TRPM3: variants seen among roughly 807,000 people sequenced by gnomAD.
TRPM3 encodes the protein transient receptor potential cation channel subfamily M member 3.
TRPM3 carries 77 observed loss-of-function variants against 181.2 expected under a neutral mutation model. The observed-to-expected ratio is 0.42, with a 90% CI of 0.35 to 0.51. The LOEUF (loss-of-function observed/expected upper bound fraction) is 0.51, where lower values mean the gene tolerates loss of function less well. Ranked by LOEUF, TRPM3 falls within the 20% of genes least tolerant of loss-of-function variation. The pLI, the probability that TRPM3 is intolerant of heterozygous loss-of-function variation, is 0.01. For missense variants in TRPM3, 1,759 were observed against 2,196.7 expected (o/e 0.80, Z 3.98); for synonymous variants, 745 against 796.4 (o/e 0.94, Z 1.09).
intron 7 of TRPM3, chr9:70,775,194 G>GAATGAAAC (rs2081114382): frequency 6.6e-6 from 1 of 152,198 alleles, no homozygotes; most frequent in Non-Finnish European, 1.5e-5. Flanking sequence ...TAAAGGAAAG[G>GAATGAAAC]AATGAAACAC....
At chr9:70,655,975 G>A (rs1450880791) in intron 9 of TRPM3, among the ~76,000 whole-genome samples, 1 of 152,098 alleles carries the variant, frequency 6.6e-6, no homozygotes, top group Non-Finnish European at 1.5e-5. Context: ...ATATAAAAGA[G>A]CTCTAATTAA....
At chr9:71,302,941 T>C (rs2086913748) in intron 1 of TRPM3, among the ~76,000 whole-genome samples, 1 of 152,112 alleles carries the variant, frequency 6.6e-6, no homozygotes. Flanking sequence ...AGATATCTCG[T>C]GGCCACAGTA....
intron 1 of TRPM3, among the ~76,000 whole-genome samples, chr9:71,277,398 A>G (rs1210560259): frequency 6.6e-6 from 1 of 152,218 alleles, no homozygotes; most frequent in Non-Finnish European, 1.5e-5. Context: ...TTCCCTATGT[A>G]GGCTATATAA....
chr9:70,551,161 T>C lies in TRPM3; in HGVS notation c.3575-1487A>G, dbSNP rs556619874. 3.9e-5 allele frequency among the ~76,000 whole-genome samples: 6 copies of C among 152,320 alleles called. No individual in the cohort carries two copies. In the East Asian group the frequency reaches 1.2e-3, roughly 29 times the overall value. On this transcript the variant is annotated intron_variant, in intron 24 of 25. Transcript: ENST00000677713. ...CCATTAACACGTCAAATTTTAACAA[T>C]AAAAATTAAATTGTACATTTCAGTG...
chr9:70,831,100 T>C (rs929332325), intron 5 of TRPM3, among the ~76,000 whole-genome samples: 7 of 152,208 alleles, frequency 4.6e-5, no homozygotes, highest in Non-Finnish European at 1.0e-4. Context: ...AACTATTTGC[T>C]GATTACTGAA....
At chr9:70,807,061 G>T (rs1321734036) in intron 6 of TRPM3, among the ~76,000 whole-genome samples, 2 of 152,154 alleles carry the variant, frequency 1.3e-5, no homozygotes, top group Non-Finnish European at 2.9e-5. Context: ...GATCATGGCA[G>T]AAAACTGCTC....
Position 71,168,179 on chromosome 9 carries a change from T to A in TRPM3, c.183+278474A>T, listed in dbSNP as rs146885131. 1.6e-3 allele frequency among the ~76,000 whole-genome samples: 238 copies of A among 152,300 alleles called. 3 individuals are homozygous for A. The highest frequency in any genetic ancestry group is 5.4e-3 in the African/African-American group (224 of 41,588). ...GCCAAAATGGACTAGAAGGAAATTC[T>A]AGAAGGCTTTGAAGCCACCAGACAC... On this transcript the variant is annotated intron_variant, in intron 1 of 24. Coordinates refer to the TRPM3 transcript ENST00000357533.
intron 1 of TRPM3, among the ~76,000 whole-genome samples, chr9:71,220,237 C>G (rs562701439): frequency 1.6e-3 from 239 of 152,210 alleles, no homozygotes; most frequent in African/African-American, 5.5e-3. Context: ...GATATCTAGA[C>G]TATTAGATTT....
At chr9:70,860,193 A>G (rs987405709) in intron 3 of TRPM3, among the ~76,000 whole-genome samples, 2 of 152,182 alleles carry the variant, frequency 1.3e-5, no homozygotes, top group African/African-American at 2.4e-5. Context: ...ACATCAAATA[A>G]GGCAACTATG....
intron 1 of TRPM3, among the ~76,000 whole-genome samples, chr9:70,885,953 A>C (rs1173232784): frequency 5.9e-5 from 9 of 152,230 alleles, no homozygotes; most frequent in African/African-American, 2.2e-4. Context: ...GGCATTTAAA[A>C]TATACCACGG....
At chr9:71,326,153 T>C (rs560376204) in intron 1 of TRPM3, among the ~76,000 whole-genome samples, 1 of 152,334 alleles carries the variant, frequency 6.6e-6, no homozygotes, top group East Asian at 1.9e-4. Context: ...CCTAAGATTG[T>C]GGGGAAGAAC....
intron 6 of TRPM3, among the ~76,000 whole-genome samples, chr9:70,794,401 C>T (rs1336284897): frequency 1.3e-5 from 2 of 152,206 alleles, no homozygotes; most frequent in African/African-American, 4.8e-5. Context: ...TGGAGAGCAG[C>T]ACCACCTTCT....
At chr9:70,980,077 A>G (rs2097349635) in intron 1 of TRPM3, among the ~76,000 whole-genome samples, 1 of 151,662 alleles carries the variant, frequency 6.6e-6, no homozygotes, top group African/African-American at 2.4e-5. Flanking sequence ...GCACACACAC[A>G]CACACACACA....
At chr9:71,003,257 TC>T (rs1483721005) in intron 1 of TRPM3, among the ~76,000 whole-genome samples, 1 of 151,452 alleles carries the variant, frequency 6.6e-6, no homozygotes, top group African/African-American at 2.4e-5. Flanking sequence ...AGTTCAAGGA[TC>T]TTTTCCCCAT....
intron 20 of TRPM3, among the ~76,000 whole-genome samples, 181 bp downstream of exon 20, chr9:70,603,161 T>C (rs190367256): frequency 6.6e-5 from 10 of 152,282 alleles, no homozygotes; most frequent in African/African-American, 2.4e-4. Flanking sequence ...TACACCCCTA[T>C]AAGCACCACA....
intron 1 of TRPM3, among the ~76,000 whole-genome samples, chr9:71,347,370 G>A (rs558982744): frequency 1.3e-5 from 2 of 152,114 alleles, no homozygotes; most frequent in East Asian, 3.9e-4. Flanking sequence ...TTCTTGTTTT[G>A]TTTTCTGACA....
At chr9:70,977,682 G>A (rs947637801) in intron 1 of TRPM3, among the ~76,000 whole-genome samples, 2 of 152,174 alleles carry the variant, frequency 1.3e-5, no homozygotes, top group Admixed American at 6.5e-5. Context: ...GTAAAGTTGG[G>A]AACTCTCACA....
At chr9:71,202,473 C>A (rs568152206) in intron 1 of TRPM3, among the ~76,000 whole-genome samples, 4 of 152,196 alleles carry the variant, frequency 2.6e-5, no homozygotes, top group Non-Finnish European at 4.4e-5. Context: ...TAATGTTTAA[C>A]AGGACTTTGT....
rs184952523 is a variant in TRPM3 at position 71,052,478 on chromosome 9, A to G, written c.177+68700T>C. On this transcript the variant is annotated intron_variant, in intron 1 of 25. Transcript: ENST00000677713. The stretch of plus-strand genomic sequence containing the variant: ...TCAGCAGGAAAGAATTCCATATTCA[A>G]TTAGCTATGTGTGCAAGGGGTGTGG... Among the ~76,000 whole-genome samples, 6 of 152,284 alleles carry G rather than the reference A, an allele frequency of 3.9e-5. No homozygotes were observed. The East Asian group carries it at 9.7e-4, about 25-fold the overall frequency.
Sources: gnomAD v4.1 joint callset for allele counts (sites outside exome capture counted in the v4.1 genomes callset) on GRCh38, gnomAD v4.1.1 for gene constraint, MANE v1.5 for transcripts, NCBI Gene and HGNC (gene_info 2026-07-23, HGNC 2026-07-21) for gene names.